The following MTMR12 variants were observed in gnomAD, a reference collection of about 807,000 sequenced individuals.
The protein encoded by MTMR12 is myotubularin-related protein 12.
In MTMR12, 33 loss-of-function variants were observed where a neutral mutation model predicts 96.7. The ratio of observed to expected loss-of-function variants is 0.34; its 90% confidence interval spans 0.26 to 0.46. MTMR12 has a LOEUF of 0.46. MTMR12 is among the 20% of genes least tolerant of loss of function. The probability of loss-of-function intolerance (pLI) is 1.00; values close to 1 mark genes in which losing one functional copy is unlikely to be tolerated. For synonymous variants in MTMR12, 298 were observed against 327.2 expected (o/e 0.91, Z 0.96); for missense variants, 721 against 896.1 (o/e 0.80, Z 2.49).
Position 32,263,108 on chromosome 5 carries a change from C to T in MTMR12, c.713+5G>A. On this transcript the variant is annotated splice_donor_5th_base_variant and intron_variant, in intron 7 of 15. Coordinates refer to ENST00000382142, the MANE Select transcript of MTMR12 (RefSeq NM_001040446.3). ...TACAGCATGTGCCCAGCATGGAAAGCTTACCTCTCACAGACTTTATAGCCT... is the reference window on the plus strand; with the variant it reads ...TACAGCATGTGCCCAGCATGGAAAGTTTACCTCTCACAGACTTTATAGCCT... 1 of 1,614,018 alleles carries T rather than the reference C, an allele frequency of 6.2e-7. No individual in the cohort carries two copies. Among genetic ancestry groups the T allele is most frequent in the Non-Finnish European group, 8.5e-7 (1 of 1,179,950 alleles).
chr5:32,238,331 G>C (rs967036861), intron 13 of MTMR12, among the ~76,000 whole-genome samples: 5 of 152,064 alleles, frequency 3.3e-5, no homozygotes, highest in Admixed American at 3.3e-4. Flanking sequence ...CACCTTCCCT[G>C]GTAACTGGGA....
intron 2 of MTMR12, among the ~76,000 whole-genome samples, chr5:32,276,458 G>A (rs1227230016): frequency 6.6e-6 from 1 of 152,204 alleles, no homozygotes; most frequent in East Asian, 1.9e-4. Context: ...ATTTTCATCA[G>A]TTTGGGGGAA....
At chr5:32,249,989 CT>C (rs1581601131) in intron 8 of MTMR12, among the ~76,000 whole-genome samples, 1 of 152,308 alleles carries the variant, frequency 6.6e-6, no homozygotes, top group African/African-American at 2.4e-5. Flanking sequence ...GAGGAAAGAC[CT>C]TTTATAATTC....
At chr5:32,237,718 G>A (rs1167350969) in intron 13 of MTMR12, among the ~76,000 whole-genome samples, 1 of 151,944 alleles carries the variant, frequency 6.6e-6, no homozygotes, top group Non-Finnish European at 1.5e-5. Context: ...CACCGTGTTA[G>A]CCAGGATGGT....
Position 32,240,464 on chromosome 5 carries a change from T to C in MTMR12, c.1172-1291A>G, listed in dbSNP as rs370482270. Among the ~76,000 whole-genome samples the C allele has an allele frequency of 8.6e-5, 13 of 151,590 alleles. No individual in the cohort carries two copies. In the East Asian group the frequency reaches 1.9e-3, roughly 23 times the overall value. On this transcript the variant is annotated intron_variant, in intron 12 of 15. Transcript: ENST00000382142. The stretch of plus-strand genomic sequence containing the variant: ...TGCTCATATTGTGATAACTCTTTCA[T>C]CCTGACCCCTATAATCACAGAGCAC...
intron 8 of MTMR12, among the ~76,000 whole-genome samples, chr5:32,250,040 A>T (rs1748855647): frequency 6.6e-6 from 1 of 152,254 alleles, no homozygotes; most frequent in African/African-American, 2.4e-5. Context: ...TTCATCTGCC[A>T]GGTATAAACC....
At chr5:32,284,461 T>C (rs1239581964) in intron 1 of MTMR12, among the ~76,000 whole-genome samples, 1 of 152,172 alleles carries the variant, frequency 6.6e-6, no homozygotes, top group Non-Finnish European at 1.5e-5. Flanking sequence ...GAAAGACTAT[T>C]ACTTGTGAAG....
chr5:32,305,509 T>G (rs1192512217), intron 1 of MTMR12, among the ~76,000 whole-genome samples: 1 of 152,240 alleles, frequency 6.6e-6, no homozygotes, highest in Admixed American at 6.5e-5. Context: ...TTATCATCTA[T>G]CCGCCAAAGA....
At chr5:32,274,988 G>C (rs889200035) in intron 2 of MTMR12, among the ~76,000 whole-genome samples, 3 of 151,968 alleles carry the variant, frequency 2.0e-5, no homozygotes. Context: ...TAAATGTTTT[G>C]CAACAACAAC....
At chr5:32,285,448 G>T (rs1581633618) in intron 1 of MTMR12, among the ~76,000 whole-genome samples, 1 of 151,304 alleles carries the variant, frequency 6.6e-6, no homozygotes, top group South Asian at 2.1e-4. Flanking sequence ...TTATAGGTGT[G>T]AGCCCCCTGC....
At chr5:32,245,238 G>A (rs561889267) in intron 10 of MTMR12, among the ~76,000 whole-genome samples, 56 of 152,260 alleles carry the variant, frequency 3.7e-4, no homozygotes, top group African/African-American at 1.3e-3. Context: ...GTTTCACCAT[G>A]TTGGCTAGGC....
intron 7 of MTMR12, 38 bp from the exon 8 acceptor site, chr5:32,255,806 C>A: frequency 6.5e-7 from 1 of 1,531,024 alleles, no homozygotes; most frequent in Non-Finnish European, 9.0e-7. Flanking sequence ...TAGTACAACA[C>A]TTAATTCACA....
In MTMR12 at chr5:32,233,643, A is replaced by T; in HGVS notation, c.1674+130T>A. 1 of 1,291,640 alleles carries T rather than the reference A, an allele frequency of 7.7e-7. No individual in the cohort carries two copies. Among genetic ancestry groups the T allele is most frequent in the Non-Finnish European group, 1.1e-6 (1 of 922,390 alleles). 80.0% of individuals were successfully genotyped at this position (1,291,640 alleles called of 1,614,324 possible). ...AATGGCCCTTGACAATTTGACCATC[A>T]CAAGTCTCAACTCTGCAGACTGCTT... On this transcript the variant is annotated intron_variant, in intron 15 of 15. Transcript: ENST00000382142. The surrounding 1 kb of genome is among the most constrained non-coding windows in gnomAD (Gnocchi z 5.0).
At chr5:32,305,631 C>T (rs994361848) in intron 1 of MTMR12, among the ~76,000 whole-genome samples, 3 of 151,928 alleles carry the variant, frequency 2.0e-5, no homozygotes, top group Non-Finnish European at 2.9e-5. Flanking sequence ...CGGCCGGGCG[C>T]GATGGCTCAC....
intron 6 of MTMR12, among the ~76,000 whole-genome samples, chr5:32,264,096 T>C (rs1295816150): frequency 1.3e-5 from 2 of 152,286 alleles, no homozygotes; most frequent in South Asian, 4.1e-4. Flanking sequence ...GGCTGAATCA[T>C]GGTTATGGGT....
At chr5:32,260,712 G>A (rs988700530) in intron 7 of MTMR12, among the ~76,000 whole-genome samples, 1 of 141,764 alleles carries the variant, frequency 7.1e-6, no homozygotes, top group Non-Finnish European at 1.5e-5. Flanking sequence ...AGCTCACACT[G>A]TGAAGGCACT....
At chr5:32,281,263 A>AG (rs1430757208) in intron 1 of MTMR12, among the ~76,000 whole-genome samples, 2 of 150,232 alleles carry the variant, frequency 1.3e-5, no homozygotes, top group African/African-American at 4.9e-5. Flanking sequence ...AAAAAAAAAA[A>AG]ACAAAAAAAA....
At chr5:32,310,449 C>T (rs1263459490) in intron 1 of MTMR12, among the ~76,000 whole-genome samples, 1 of 152,170 alleles carries the variant, frequency 6.6e-6, no homozygotes, top group South Asian at 2.1e-4. Context: ...GTGGTACATA[C>T]ACACGAGTAC....
chr5:32,292,855 C>A (rs1055739284), intron 1 of MTMR12, among the ~76,000 whole-genome samples: 1 of 152,210 alleles, frequency 6.6e-6, no homozygotes, highest in African/African-American at 2.4e-5. Flanking sequence ...GCTACGACCA[C>A]GTGACCAGCT....
Sources: gnomAD v4.1 joint callset for allele counts (sites outside exome capture counted in the v4.1 genomes callset) on GRCh38, gnomAD v4.1.1 for gene constraint, Gnocchi (gnomAD v3.1) non-coding constraint, MANE v1.5 for transcripts, NCBI Gene and HGNC (gene_info 2026-07-23, HGNC 2026-07-21) for gene names.